The following SYNJ2BP variants were observed in gnomAD, a reference collection of about 807,000 sequenced individuals.
SYNJ2BP encodes synaptojanin 2 binding protein, also known as synaptojanin-2-binding protein.
Under a neutral mutation model 16.9 loss-of-function variants are expected in SYNJ2BP, and 10 were observed. The observed-to-expected ratio is 0.59, with a 90% CI of 0.36 to 1.00. SYNJ2BP has a LOEUF of 1.00. Among genes scored for constraint, SYNJ2BP ranks in the 50% least tolerant of loss-of-function variants. The probability of loss-of-function intolerance (pLI) is 0.01; values close to 1 mark genes in which losing one functional copy is unlikely to be tolerated. For synonymous variants in SYNJ2BP, 54 were observed against 68.4 expected, an observed-to-expected ratio of 0.79 and a Z score of 1.04; for missense variants, 162 against 186.7, an observed-to-expected ratio of 0.87 and a Z score of 0.77.
chr14:70,392,717 C>T (rs570547805), intron 1 of SYNJ2BP, among the ~76,000 whole-genome samples: 2 of 152,290 alleles, frequency 1.3e-5, no homozygotes, highest in African/African-American at 4.8e-5. Flanking sequence ...TTAAGTACGT[C>T]TATGGCATGT....
rs1887507516 is a variant in SYNJ2BP, at chr14:70,371,022, C to A, written c.*1969G>T. The A allele has an allele frequency of 6.6e-6, 1 of 152,166 alleles. No homozygotes were observed. The highest frequency in any genetic ancestry group is 2.1e-4 in the South Asian group (1 of 4,836). 9.4% of individuals were successfully genotyped at this position (152,166 alleles called of 1,614,324 possible). On this transcript the variant is annotated 3_prime_UTR_variant, in exon 4 of 4. Coordinates refer to ENST00000256366, the MANE Select transcript of SYNJ2BP (RefSeq NM_018373.3). Reference sequence around the variant, plus strand: ...TGTCTTGACAAAGCTGATGTCCAATCAACATTTAATTACCAGACTGTCCAA... The same window carrying A: ...TGTCTTGACAAAGCTGATGTCCAATAAACATTTAATTACCAGACTGTCCAA...
chr14:70,372,980 G>A lies in SYNJ2BP; in HGVS notation c.*11C>T. 6.2e-7 allele frequency: 1 copy of A among 1,613,892 alleles called. No homozygotes were observed. Among genetic ancestry groups the A allele is most frequent in the South Asian group, 1.1e-5 (1 of 91,064 alleles). Reference sequence around the variant, plus strand: ...TATCTTCATTGGGAGTATTGAAAGAGAGCAAGTTTTTCAAAGTTGTTGCCG... The same window carrying A: ...TATCTTCATTGGGAGTATTGAAAGAAAGCAAGTTTTTCAAAGTTGTTGCCG... On this transcript the variant is annotated 3_prime_UTR_variant, in exon 4 of 4. Coordinates refer to ENST00000256366, the MANE Select transcript of SYNJ2BP (RefSeq NM_018373.3).
intron 1 of SYNJ2BP, among the ~76,000 whole-genome samples, chr14:70,402,143 T>C (rs1307229964): frequency 6.6e-6 from 1 of 152,136 alleles, no homozygotes; most frequent in Admixed American, 6.5e-5. Context: ...TCCTCTCAGG[T>C]CTAAAACTCT....
At chr14:70,402,713 C>A (rs1436327113) in intron 1 of SYNJ2BP, among the ~76,000 whole-genome samples, 2 of 151,730 alleles carry the variant, frequency 1.3e-5, no homozygotes, top group African/African-American at 4.8e-5. Flanking sequence ...TCTATTAGGC[C>A]CTGGAAACTG....
intron 1 of SYNJ2BP, among the ~76,000 whole-genome samples, chr14:70,397,264 C>CTATATATATATA (rs139489096): frequency 5.3e-5 from 8 of 150,886 alleles, no homozygotes; most frequent in Middle Eastern, 3.5e-3. Flanking sequence ...ATGATGTGTT[C>CTATATATATATA]TATATATATA....
chr14:70,391,239 G>A (rs1887975069), intron 1 of SYNJ2BP, among the ~76,000 whole-genome samples: 1 of 152,134 alleles, frequency 6.6e-6, no homozygotes, highest in Non-Finnish European at 1.5e-5. Context: ...TGCTACTTCT[G>A]GAGTTTGTGA....
At position 70,375,790 on chromosome 14, in the gene SYNJ2BP, G is replaced by A. The variant is rs375790401; in HGVS notation, c.202-19C>T. The A allele has an allele frequency of 2.5e-6, 4 of 1,609,318 alleles. No homozygotes were observed. The African/African-American group carries it at 5.4e-5, about 22-fold the overall frequency. ...CATTTACCTGTCAAAACACCAAAGA[G>A]TAGTAAGAAAGGAAGAAGGCTATTA... is the stretch of plus-strand genomic sequence containing the variant. On this transcript the variant is annotated intron_variant, in intron 2 of 3. Transcript: ENST00000256366.
intron 2 of SYNJ2BP, among the ~76,000 whole-genome samples, chr14:70,378,028 A>G (rs1395609921): frequency 1.3e-5 from 2 of 152,176 alleles, no homozygotes; most frequent in Non-Finnish European, 2.9e-5. Flanking sequence ...ACCAAATCCT[A>G]TAGCCGTTTT....
At chr14:70,383,181 G>A (rs993915421) in intron 2 of SYNJ2BP, among the ~76,000 whole-genome samples, 2 of 152,140 alleles carry the variant, frequency 1.3e-5, no homozygotes, top group Non-Finnish European at 2.9e-5. Context: ...TCAGGGCCAG[G>A]TACAGGACTA....
At chr14:70,411,849 G>A (rs890571038) in intron 1 of SYNJ2BP, among the ~76,000 whole-genome samples, 2 of 152,136 alleles carry the variant, frequency 1.3e-5, no homozygotes, top group Non-Finnish European at 2.9e-5. Flanking sequence ...TTAACTATCT[G>A]CACCTTTGCA....
chr14:70,401,202 A>G lies in SYNJ2BP; in HGVS notation c.65-12596T>C, dbSNP rs115638483. Among the ~76,000 whole-genome samples the G allele has an allele frequency of 9.4e-3, 1,439 of 152,354 alleles. 25 individuals are homozygous for G. Among genetic ancestry groups the G allele is most frequent in the African/African-American group, 0.032 (1,345 of 41,574 alleles). ...AAAAAAAAGCTGGTTTTAGAACCGT[A>G]CAAACTGAATGAGAGACCTACTTTA... On this transcript the variant is annotated intron_variant, in intron 1 of 3. Coordinates refer to ENST00000256366, the MANE Select transcript of SYNJ2BP (RefSeq NM_018373.3).
intron 1 of SYNJ2BP, among the ~76,000 whole-genome samples, chr14:70,403,929 T>C (rs7141619): frequency 0.066 from 9,986 of 152,262 alleles, 560 homozygotes; most frequent in African/African-American, 0.15. Flanking sequence ...ATATAGAAAG[T>C]AACTCAAATG....
intron 1 of SYNJ2BP, among the ~76,000 whole-genome samples, chr14:70,411,503 A>C (rs1444720936): frequency 6.6e-6 from 1 of 152,186 alleles, no homozygotes; most frequent in Admixed American, 6.5e-5. Context: ...TCTGATCTCC[A>C]CCTACTCAGG....
At chr14:70,378,653 G>C (rs1887684636) in intron 2 of SYNJ2BP, among the ~76,000 whole-genome samples, 1 of 151,990 alleles carries the variant, frequency 6.6e-6, no homozygotes, top group African/African-American at 2.4e-5. Context: ...ATATACAATA[G>C]ATTGCCAAAC....
intron 1 of SYNJ2BP, among the ~76,000 whole-genome samples, chr14:70,399,589 C>T (rs1244170781): frequency 6.6e-6 from 1 of 150,778 alleles, no homozygotes; most frequent in East Asian, 1.9e-4. Context: ...ACTGCCATTG[C>T]TGCTCCCGCA....
At chr14:70,376,198 A>G (rs1280442924) in intron 2 of SYNJ2BP, among the ~76,000 whole-genome samples, 1 of 152,228 alleles carries the variant, frequency 6.6e-6, no homozygotes, top group Non-Finnish European at 1.5e-5. Flanking sequence ...ATATAACTCT[A>G]TGAAACTCTC....
chr14:70,397,612 G>A (rs1888129421), intron 1 of SYNJ2BP, among the ~76,000 whole-genome samples: 1 of 152,214 alleles, frequency 6.6e-6, no homozygotes, highest in Non-Finnish European at 1.5e-5. Context: ...TGGCACTGGG[G>A]AACACGATGG....
chr14:70,394,476 T>TTA (rs1663938654), intron 1 of SYNJ2BP, among the ~76,000 whole-genome samples: 3 of 150,816 alleles, frequency 2.0e-5, no homozygotes, highest in Non-Finnish European at 1.5e-5. Context: ...TTTTTTTTTT[T>TTA]AGTGAATGAA....
At chr14:70,416,221 CAT>C (rs900467350) in intron 1 of SYNJ2BP, among the ~76,000 whole-genome samples, 16 of 151,864 alleles carry the variant, frequency 1.1e-4, no homozygotes, top group African/African-American at 3.9e-4. Context: ...CTCAAAATCA[CAT>C]GAGGTGTTCA....
Sources: allele counts gnomAD v4.1 joint callset (sites outside exome capture counted in the v4.1 genomes callset), GRCh38; gene constraint gnomAD v4.1.1; transcripts MANE v1.5; gene names NCBI Gene and HGNC (gene_info 2026-07-23, HGNC 2026-07-21).